Variants in RASGRF1 observed in about 807,000 individuals in gnomAD.
RASGRF1 encodes the protein ras-specific guanine nucleotide-releasing factor 1.
In RASGRF1, 40 loss-of-function variants were observed where a neutral mutation model predicts 138.7. The ratio of observed to expected loss-of-function variants is 0.29; its 90% CI spans 0.22 to 0.38. The LOEUF (loss-of-function observed/expected upper bound fraction) is 0.38, where lower values mean the gene tolerates loss of function less well. Ranked by LOEUF, RASGRF1 falls within the 10% of genes least tolerant of loss-of-function variation. The pLI, the probability that RASGRF1 is intolerant of heterozygous loss-of-function variation, is 1.00. For missense variants in RASGRF1, 1,108 were observed against 1,650.4 expected, an observed-to-expected ratio of 0.67 and a Z score of 5.69; for synonymous variants, 614 against 663.2, an observed-to-expected ratio of 0.93 and a Z score of 1.14.
chr15:79,084,340 C>T (rs898867662), intron 1 of RASGRF1, among the ~76,000 whole-genome samples: 2 of 151,454 alleles, frequency 1.3e-5, no homozygotes, highest in Admixed American at 6.6e-5. Context: ...TTCAACTTCC[C>T]AGTGCTGGCT....
At chr15:79,081,577 G>T (rs2057914497) in intron 1 of RASGRF1, among the ~76,000 whole-genome samples, 1 of 152,096 alleles carries the variant, frequency 6.6e-6, no homozygotes, top group Non-Finnish European at 1.5e-5. Context: ...CAACCTATAT[G>T]CCCCTAATCA....
chr15:78,998,273 C>T, intron 18 of RASGRF1, 65 bp from the exon 19 acceptor site: 2 of 1,359,500 alleles, frequency 1.5e-6, no homozygotes, highest in Non-Finnish European at 2.1e-6. Context: ...GTGGTCTGGG[C>T]CCAGGCCAGA....
At chr15:79,041,833 G>C (rs74453999) in intron 5 of RASGRF1, among the ~76,000 whole-genome samples, 3 of 152,084 alleles carry the variant, frequency 2.0e-5, no homozygotes, top group Non-Finnish European at 2.9e-5. Flanking sequence ...CCTGCCCCTC[G>C]TCACCCTCCA....
chr15:79,048,597 C>T (rs1169243804), intron 4 of RASGRF1, among the ~76,000 whole-genome samples: 3 of 152,148 alleles, frequency 2.0e-5, no homozygotes, highest in African/African-American at 7.2e-5. Context: ...TTAATGTTAG[C>T]TATTTCTATT....
rs552487877 is a variant in RASGRF1, at chr15:78,968,044, T to C, written c.3681+3822A>G. Among the ~76,000 whole-genome samples the C allele has an allele frequency of 5.3e-5, 8 of 152,238 alleles. No homozygotes were observed. The East Asian group carries it at 1.5e-3, about 29-fold the overall frequency. The stretch of plus-strand genomic sequence containing the variant: ...CTAACCGACATTCACACATTGCATT[T>C]AGATGTCATATGATTTAGTCTTATT... On this transcript the variant is annotated intron_variant, in intron 26 of 26. Transcript: ENST00000558480.
intron 22 of RASGRF1, among the ~76,000 whole-genome samples, chr15:78,988,004 G>C (rs2056196438): frequency 6.6e-6 from 1 of 152,236 alleles, no homozygotes; most frequent in Non-Finnish European, 1.5e-5. Flanking sequence ...CTGTGCCAGG[G>C]AGAGACGAGG....
At chr15:79,012,625 C>A in intron 13 of RASGRF1, 2 of 1,519,334 alleles carry the variant, frequency 1.3e-6, no homozygotes, top group South Asian at 2.4e-5. Flanking sequence ...CATCATTATT[C>A]AAAATTTTGT....
intron 13 of RASGRF1, among the ~76,000 whole-genome samples, chr15:79,012,268 G>A (rs56343334): frequency 0.042 from 6,456 of 152,102 alleles, 227 homozygotes; most frequent in Non-Finnish European, 0.066. Context: ...CCCCTCAGTC[G>A]TCTAGCAAAC....
intron 2 of RASGRF1, 39 bp downstream of exon 2, chr15:79,064,381 G>A: frequency 6.3e-7 from 1 of 1,582,504 alleles, no homozygotes; most frequent in Non-Finnish European, 8.7e-7. Flanking sequence ...TGCCTGGACT[G>A]TGGAGTAGGG....
intron 11 of RASGRF1, among the ~76,000 whole-genome samples, chr15:79,019,556 C>T (rs2056929353): frequency 6.6e-6 from 1 of 152,216 alleles, no homozygotes. Flanking sequence ...ATCCCTCTGT[C>T]AGTGGCCCCT....
intron 22 of RASGRF1, among the ~76,000 whole-genome samples, chr15:78,989,873 C>T (rs1387643983): frequency 6.6e-6 from 1 of 152,298 alleles, no homozygotes; most frequent in East Asian, 1.9e-4. Flanking sequence ...AACCCTGCTC[C>T]GAGGAGTAAC....
intron 3 of RASGRF1, among the ~76,000 whole-genome samples, chr15:79,054,722 G>T (rs1279921022): frequency 6.6e-6 from 1 of 152,216 alleles, no homozygotes; most frequent in East Asian, 1.9e-4. Flanking sequence ...ATCAACCTCT[G>T]TTGTTTTAAG....
chr15:79,069,619 G>A (rs1174227072), intron 1 of RASGRF1, among the ~76,000 whole-genome samples: 17 of 152,276 alleles, frequency 1.1e-4, no homozygotes, highest in Admixed American at 7.2e-4. Flanking sequence ...TGCAGCAGTC[G>A]GACAGAAAGA....
chr15:79,022,785 T>G (rs1362287906), intron 10 of RASGRF1, among the ~76,000 whole-genome samples: 1 of 152,210 alleles, frequency 6.6e-6, no homozygotes, highest in Non-Finnish European at 1.5e-5. Flanking sequence ...ACATATTCCC[T>G]GAAGCCATTG....
At position 79,046,762 on chromosome 15, in the gene RASGRF1, T is replaced by G; in HGVS notation, c.862A>C (p.Ser288Arg). The G allele has an allele frequency of 6.2e-7, 1 of 1,614,276 alleles. No homozygotes were observed. The highest frequency in any genetic ancestry group is 8.5e-7 in the Non-Finnish European group (1 of 1,180,044). ...KPPITHDDVS[S>R]IFLNSETIMF... ...GGTGCTCACCTGTTCAGGAAGATGCTGCTGACGTCGTCGTGTGTGATGGGA... is the reference window on the plus strand; with the variant it reads ...GGTGCTCACCTGTTCAGGAAGATGCGGCTGACGTCGTCGTGTGTGATGGGA... Residue 288 changes from serine to arginine, a missense_variant, in exon 5 of 27, where the codon AGC becomes CGC. Coordinates refer to ENST00000558480, the MANE Select transcript of RASGRF1 (RefSeq NM_001145648.3). The surrounding 1 kb of genome is among the most constrained non-coding windows in gnomAD (Gnocchi z 5.3).
chr15:79,008,131 G>A (rs1376054658), intron 13 of RASGRF1, among the ~76,000 whole-genome samples: 2 of 152,210 alleles, frequency 1.3e-5, no homozygotes, highest in African/African-American at 4.8e-5. Flanking sequence ...GTGAGCCACC[G>A]CACCTGGCTC....
At chr15:79,045,501 T>C (rs1228021139) in intron 5 of RASGRF1, among the ~76,000 whole-genome samples, 1 of 152,244 alleles carries the variant, frequency 6.6e-6, no homozygotes, top group Non-Finnish European at 1.5e-5. Context: ...AGCAGCCTTG[T>C]GGGGCCCTGT....
At chr15:79,021,010 A>G (rs1474056260) in intron 10 of RASGRF1, among the ~76,000 whole-genome samples, 4 of 152,324 alleles carry the variant, frequency 2.6e-5, no homozygotes, top group Non-Finnish European at 2.9e-5. Context: ...GGAGAGGTCT[A>G]TGAATGAGGA....
rs1376283369 is a variant in RASGRF1 at position 79,027,301 on chromosome 15, A to G, written c.1381+440T>C. 6.6e-6 allele frequency among the ~76,000 whole-genome samples: 1 copy of G among 152,188 alleles called. No individual in the cohort carries two copies. The highest frequency in any genetic ancestry group is 2.4e-5 in the African/African-American group (1 of 41,452). On this transcript the variant is annotated intron_variant, in intron 9 of 26. Transcript: ENST00000558480. The surrounding 1 kb of genome is among the most constrained non-coding windows in gnomAD (Gnocchi z 4.8). ...GAACCACTGTGAAAATGGTCTCTCC[A>G]AAGCAGCAGAGGATGATGAGGAAAG...
Sources: allele counts gnomAD v4.1 joint callset (sites outside exome capture counted in the v4.1 genomes callset), GRCh38; gene constraint gnomAD v4.1.1; non-coding constraint Gnocchi (gnomAD v3.1); transcripts MANE v1.5; gene names NCBI Gene and HGNC (gene_info 2026-07-23, HGNC 2026-07-21).